Variants in SHANK2 observed in about 807,000 individuals in gnomAD.
The protein encoded by SHANK2 is SH3 and multiple ankyrin repeat domains 2.
Under a neutral mutation model 133.7 loss-of-function variants are expected in SHANK2, and 43 were observed. The ratio of observed to expected loss-of-function variants is 0.32; its 90% CI spans 0.25 to 0.41. The LOEUF (loss-of-function observed/expected upper bound fraction) is 0.41. Among genes scored for constraint, SHANK2 ranks in the 10% least tolerant of loss-of-function variants. The pLI is 1.00. For missense variants in SHANK2, 1,994 were observed against 2,235.8 expected, an observed-to-expected ratio of 0.89 and a Z score of 2.18; for synonymous variants, 1,017 against 952.8, an observed-to-expected ratio of 1.07 and a Z score of -1.24.
intron 3 of SHANK2, among the ~76,000 whole-genome samples, chr11:71,141,992 T>C (rs1952563343): frequency 6.6e-6 from 1 of 151,208 alleles, no homozygotes; most frequent in Non-Finnish European, 1.5e-5. Flanking sequence ...CTCACCACAA[T>C]TAAAAGAAGA....
intron 14 of SHANK2, among the ~76,000 whole-genome samples, chr11:70,729,217 A>G (rs1329771237): frequency 6.6e-6 from 1 of 151,912 alleles, no homozygotes; most frequent in East Asian, 1.9e-4. Context: ...AAAAAAAAAA[A>G]AAGAAGAAAG....
At chr11:70,661,735 G>A in intron 15 of SHANK2, 57 bp from the exon 16 acceptor site, 1 of 1,614,060 alleles carries the variant, frequency 6.2e-7, no homozygotes, top group Non-Finnish European at 8.5e-7. Flanking sequence ...TCATCACCGC[G>A]GCCGCTCCTC....
intron 2 of SHANK2, among the ~76,000 whole-genome samples, chr11:71,187,855 G>A (rs932482287): frequency 4.6e-5 from 7 of 152,184 alleles, no homozygotes; most frequent in Non-Finnish European, 8.8e-5. Flanking sequence ...CTTTATCAAG[G>A]ATTCTATTTC....
chr11:70,503,838 G>C (rs556902877), intron 17 of SHANK2, among the ~76,000 whole-genome samples: 1 of 152,378 alleles, frequency 6.6e-6, no homozygotes, highest in South Asian at 2.1e-4. Context: ...AAACCCGAGT[G>C]ATGGAGACTG....
intron 11 of SHANK2, among the ~76,000 whole-genome samples, chr11:70,868,281 C>T (rs561814256): frequency 4.6e-5 from 7 of 152,242 alleles, no homozygotes; most frequent in Non-Finnish European, 5.9e-5. Flanking sequence ...GGACATGGGG[C>T]GGTGTGATCT....
rs1269593025 is a variant in SHANK2, at chr11:70,479,133, T to G, written c.4980-5694A>C. The stretch of plus-strand genomic sequence containing the variant: ...AGCCCCGATGGACGCACATCCTGAC[T>G]AGTGCTCCCAGCCACCCACAGTCGC... On this transcript the variant is annotated intron_variant, in intron 25 of 25. Coordinates refer to ENST00000601538, the MANE Select transcript of SHANK2 (RefSeq NM_012309.5). This position sits in a 1 kb window ranked among gnomAD's most constrained non-coding sequence, Gnocchi z 4.4. Among the ~76,000 whole-genome samples, 1 of 152,210 alleles carries G rather than the reference T, an allele frequency of 6.6e-6. No individual in the cohort carries two copies. The highest frequency in any genetic ancestry group is 1.5e-5 in the Non-Finnish European group (1 of 68,042).
Position 70,473,567 on chromosome 11 carries a change from G to T in SHANK2, c.4980-128C>A. ...CAGAGTGTCTAGTGGCAGATCCACTGGCAGTGAACGAATGATTTGCCATGC... is the reference window on the plus strand; with the variant it reads ...CAGAGTGTCTAGTGGCAGATCCACTTGCAGTGAACGAATGATTTGCCATGC... On this transcript the variant is annotated intron_variant, in intron 25 of 25. Transcript: ENST00000601538. The surrounding 1 kb of genome is among the most constrained non-coding windows in gnomAD (Gnocchi z 5.9). 1.1e-6 allele frequency: 1 copy of T among 902,234 alleles called. No homozygotes were observed. The highest frequency in any genetic ancestry group is 1.8e-6 in the Non-Finnish European group (1 of 566,444). 55.9% of individuals were successfully genotyped at this position (902,234 alleles called of 1,614,324 possible). A position where few individuals can be genotyped will look rare whatever the true frequency, so the allele number is the denominator to read the frequency against.
intron 15 of SHANK2, among the ~76,000 whole-genome samples, chr11:70,678,744 T>A (rs1325412358): frequency 6.6e-6 from 1 of 151,998 alleles, no homozygotes; most frequent in East Asian, 1.9e-4. Flanking sequence ...GGTTTCACCA[T>A]GTTGGCCAGG....
At chr11:70,724,318 G>C (rs1555030022) in intron 14 of SHANK2, among the ~76,000 whole-genome samples, 1 of 152,172 alleles carries the variant, frequency 6.6e-6, no homozygotes, top group African/African-American at 2.4e-5. Flanking sequence ...TTACAGAAAT[G>C]AGCCACCGTG....
At chr11:71,093,844 G>A (rs1350777178) in intron 7 of SHANK2, among the ~76,000 whole-genome samples, 1 of 152,198 alleles carries the variant, frequency 6.6e-6, no homozygotes, top group Non-Finnish European at 1.5e-5. Context: ...GGACAGCGAG[G>A]CCCCCGTCTT....
chr11:71,135,967 G>A (rs12293485), intron 3 of SHANK2, among the ~76,000 whole-genome samples: 19,373 of 152,050 alleles, frequency 0.13, 3,140 homozygotes, highest in African/African-American at 0.38. Context: ...ACAGGCTTGC[G>A]GGGGTCTAGA....
intron 17 of SHANK2, among the ~76,000 whole-genome samples, chr11:70,586,562 C>T (rs2060255863): frequency 2.0e-5 from 3 of 152,192 alleles, no homozygotes; most frequent in Admixed American, 2.0e-4. Flanking sequence ...CCGAGGCGGC[C>T]CCTGCATGGC....
intron 8 of SHANK2, among the ~76,000 whole-genome samples, chr11:71,079,309 C>T (rs1951260537): frequency 6.6e-6 from 1 of 152,224 alleles, no homozygotes; most frequent in African/African-American, 2.4e-5. Flanking sequence ...AGGCTCCAGG[C>T]AGGTCCCAGG....
chr11:71,164,645 G>A (rs782153151), intron 2 of SHANK2, among the ~76,000 whole-genome samples: 5 of 152,212 alleles, frequency 3.3e-5, no homozygotes, highest in South Asian at 2.1e-4. Context: ...TCTATGGAGC[G>A]ATGAAATGTC....
At chr11:70,537,182 A>G (rs890607256) in intron 17 of SHANK2, among the ~76,000 whole-genome samples, 4 of 152,128 alleles carry the variant, frequency 2.6e-5, no homozygotes, top group African/African-American at 9.7e-5. Flanking sequence ...GGTGTCCCCA[A>G]CAGCCCCTCC....
intron 10 of SHANK2, among the ~76,000 whole-genome samples, chr11:70,920,361 G>C (rs1297200416): frequency 6.6e-6 from 1 of 152,128 alleles, no homozygotes; most frequent in African/African-American, 2.4e-5. Flanking sequence ...CCAAAGGGCT[G>C]GGTTTACAAG....
chr11:71,090,567 T>C (rs200612772), intron 8 of SHANK2, among the ~76,000 whole-genome samples: 3 of 49,010 alleles, frequency 6.1e-5, no homozygotes, highest in African/African-American at 1.9e-4. Context: ...TGTGTGTGTG[T>C]CCTGCTGCTT....
At position 70,635,427 on chromosome 11, in the gene SHANK2, C is replaced by T. The variant is rs144138004; in HGVS notation, c.2061+24401G>A. 142 of 152,100 alleles carry T rather than the reference C, an allele frequency of 9.3e-4. 1 individual carries two copies. The highest frequency in any genetic ancestry group is 6.8e-3 in the Middle Eastern group (2 of 294). 9.4% of individuals were successfully genotyped at this position (152,100 alleles called of 1,614,324 possible). ...TGCATGCTACAACACGGAGGAACCT[C>T]GAAGGTATTACACTGAGTGAAATGT... On this transcript the variant is annotated intron_variant, in intron 17 of 25. Coordinates refer to ENST00000601538, the MANE Select transcript of SHANK2 (RefSeq NM_012309.5).
chr11:70,814,872 T>C (rs562399000), intron 12 of SHANK2, among the ~76,000 whole-genome samples: 16 of 152,302 alleles, frequency 1.1e-4, no homozygotes, highest in Admixed American at 2.6e-4. Flanking sequence ...CCCTTGGGAC[T>C]GGCTGCCACT....
Sources: allele counts gnomAD v4.1 joint callset (sites outside exome capture counted in the v4.1 genomes callset), GRCh38; gene constraint gnomAD v4.1.1; non-coding constraint Gnocchi (gnomAD v3.1); transcripts MANE v1.5; gene names NCBI Gene and HGNC (gene_info 2026-07-23, HGNC 2026-07-21).